The following CFAP99 variants were observed in gnomAD, a reference collection of about 807,000 sequenced individuals.
CFAP99 encodes the protein cilia- and flagella-associated protein 99.
CFAP99 carries 84 observed loss-of-function variants against 82.7 expected under a neutral mutation model. The ratio of observed to expected loss-of-function variants is 1.02; its 90% confidence interval spans 0.85 to 1.22. CFAP99 has a LOEUF of 1.22. CFAP99 is among the 50% of genes most tolerant of loss of function. CFAP99 has a pLI of 0.00. For missense variants in CFAP99, 1,059 were observed against 983.5 expected (o/e 1.08, Z -1.03); for synonymous variants, 456 against 429.5 (o/e 1.06, Z -0.76).
At chr4:2,445,585 C>T (rs1452439835) in intron 6 of CFAP99, among the ~76,000 whole-genome samples, 2 of 152,142 alleles carry the variant, frequency 1.3e-5, no homozygotes, top group East Asian at 3.8e-4. Flanking sequence ...GGGGCTCCGA[C>T]CTGTCGGGAG....
chr4:2,458,543 G>T (rs563512393), intron 11 of CFAP99, among the ~76,000 whole-genome samples, 180 bp from the exon 12 acceptor site: 1 of 152,174 alleles, frequency 6.6e-6, no homozygotes, highest in Non-Finnish European at 1.5e-5. Flanking sequence ...GAAGTTCCCC[G>T]CAGGCCCAAC....
At chr4:2,449,564 A>C (rs1578478036) in intron 6 of CFAP99, 106 bp from the exon 7 acceptor site, 1 of 969,000 alleles carries the variant, frequency 1.0e-6, no homozygotes, top group Non-Finnish European at 1.6e-6. Context: ...GGCCGCCACC[A>C]CCCTCCCCTT....
chr4:2,439,408 G>A (rs1044656552), intron 4 of CFAP99, among the ~76,000 whole-genome samples: 1 of 152,100 alleles, frequency 6.6e-6, no homozygotes, highest in Non-Finnish European at 1.5e-5. Context: ...CCAGATCTTC[G>A]AGGTCTCTCT....
At chr4:2,453,241 A>G (rs1431977667) in intron 11 of CFAP99, among the ~76,000 whole-genome samples, 1 of 152,160 alleles carries the variant, frequency 6.6e-6, no homozygotes, top group African/African-American at 2.4e-5. Context: ...ACACTTGTAT[A>G]TACATAGTTT....
rs1180490708 is a variant in CFAP99, at chr4:2,448,911, G to A, written c.643-759G>A. Among the ~76,000 whole-genome samples, 1 of 152,224 alleles carries A rather than the reference G, an allele frequency of 6.6e-6. No homozygotes were observed. The highest frequency in any genetic ancestry group is 1.5e-5 in the Non-Finnish European group (1 of 68,036). ...GGCTTGAAGCAGGTGGGCAGGAGAT[G>A]GATGTGGGTGTGAGAGACAGAGGTG... On this transcript the variant is annotated intron_variant, in intron 6 of 14. Transcript: ENST00000635017. This position sits in a 1 kb window ranked among gnomAD's most constrained non-coding sequence, Gnocchi z 5.2.
At position 2,446,249 on chromosome 4, in the gene CFAP99, C is replaced by G. The variant is rs1203811; in HGVS notation, c.642+941C>G. 2.3e-3 allele frequency among the ~76,000 whole-genome samples: 347 copies of G among 152,130 alleles called. 1 individual carries two copies. Among genetic ancestry groups the G allele is most frequent in the African/African-American group, 7.2e-3 (297 of 41,476 alleles). The stretch of plus-strand genomic sequence containing the variant: ...ACTGATCCTGGCTCCTTTTCTTCAC[C>G]GAATTGGAGTTTAGAGTTGTTTAGT... On this transcript the variant is annotated intron_variant, in intron 6 of 14. Coordinates refer to ENST00000635017, the Ensembl canonical transcript of CFAP99. This position sits in a 1 kb window ranked among gnomAD's most constrained non-coding sequence, Gnocchi z 5.0.
At position 2,460,655 on chromosome 4, in the gene CFAP99, T is replaced by C. The variant is rs1323371867; in HGVS notation, c.1661+413T>C. On this transcript the variant is annotated intron_variant, in intron 14 of 14. Coordinates refer to ENST00000635017, the Ensembl canonical transcript of CFAP99. ...ATAAACCACAGCACCCTGACACCAA[T>C]AGAAAATGGAACAAAAATTCCCAAC... Among the ~76,000 whole-genome samples the C allele has an allele frequency of 2.0e-5, 3 of 152,236 alleles. No homozygotes were observed. The East Asian group carries it at 5.8e-4, about 29-fold the overall frequency.
intron 13 of CFAP99, among the ~76,000 whole-genome samples, 188 bp from the exon 14 acceptor site, chr4:2,459,849 C>A (rs752888254): frequency 2.0e-5 from 3 of 152,216 alleles, no homozygotes; most frequent in Non-Finnish European, 4.4e-5. Context: ...GATGTGCAGA[C>A]CCACACAAGG....
intron 2 of CFAP99, among the ~76,000 whole-genome samples, chr4:2,429,836 C>T (rs1047791608): frequency 6.6e-6 from 1 of 152,178 alleles, no homozygotes; most frequent in African/African-American, 2.4e-5. Context: ...TGTGATCCGC[C>T]CGCCTCGGCC....
intron 4 of CFAP99, among the ~76,000 whole-genome samples, chr4:2,439,883 G>A (rs968377786): frequency 5.3e-5 from 8 of 151,310 alleles, no homozygotes; most frequent in Non-Finnish European, 8.8e-5. Context: ...TCGCTCTGTC[G>A]CCCAGGCTGG....
Position 2,462,390 on chromosome 4 carries a change from C to T in CFAP99, c.1662-53C>T. 1 of 1,380,094 alleles carries T rather than the reference C, an allele frequency of 7.2e-7. No homozygotes were observed. The highest frequency in any genetic ancestry group is 9.3e-7 in the Non-Finnish European group (1 of 1,077,792). The allele number at this position is 1,380,094 out of a possible 1,614,324, so 85.5% of individuals were successfully genotyped here. A position where few individuals can be genotyped will look rare whatever the true frequency, so the allele number is the denominator to read the frequency against. The stretch of plus-strand genomic sequence containing the variant: ...CTTGGACACGGGTGGCATCCTGGGT[C>T]TGGCCTGGGCCTCCCGCCGGCCTGC... On this transcript the variant is annotated intron_variant, in intron 14 of 14. Transcript: ENST00000635017. The surrounding 1 kb of genome is among the most constrained non-coding windows in gnomAD (Gnocchi z 4.1).
chr4:2,420,171 G>A (rs1278754527), intron 1 of CFAP99, among the ~76,000 whole-genome samples: 3 of 151,576 alleles, frequency 2.0e-5, no homozygotes, highest in Non-Finnish European at 2.9e-5. Context: ...CCTGCTCACC[G>A]ACCTCTCAAC....
chr4:2,458,892 C>A (rs1304888097), intron 12 of CFAP99, 28 bp downstream of exon 12: 1 of 1,521,198 alleles, frequency 6.6e-7, no homozygotes, highest in Non-Finnish European at 8.8e-7. Context: ...GTCACTGGCC[C>A]TACCCCGCTC....
chr4:2,460,065 T>C (rs1210464260), exon 14 of CFAP99: 1 of 1,535,984 alleles, frequency 6.5e-7, no homozygotes, highest in Non-Finnish European at 8.7e-7. Context: ...GAAGGAGAGA[T>C]GTCCATAGTG....
intron 5 of CFAP99, 130 bp downstream of exon 5, chr4:2,443,372 C>T (rs529926859): frequency 3.8e-5 from 25 of 649,524 alleles, no homozygotes; most frequent in Admixed American, 2.3e-4. Context: ...GTAATCACTC[C>T]GTGTTCGGAT....
chr4:2,450,386 G>A lies in CFAP99; in HGVS notation c.795+381G>A, dbSNP rs1057350194. On this transcript the variant is annotated intron_variant, in intron 8 of 14. Transcript: ENST00000635017. ...GACAGGAGAGACTGTGCCTGGCGGG[G>A]CTCACTCAGGAGCACGGCCCCGCTG... The A allele has an allele frequency of 3.3e-4, 102 of 307,424 alleles. No individual in the cohort carries two copies. The Admixed American group carries it at 4.4e-3, about 13-fold the overall frequency. The allele number at this position is 307,424 out of a possible 1,614,324, so 19.0% of individuals were successfully genotyped here.
Position 2,446,132 on chromosome 4 carries a change from C to G in CFAP99, c.642+824C>G, listed in dbSNP as rs544538597. 1.3e-5 allele frequency among the ~76,000 whole-genome samples: 2 copies of G among 152,204 alleles called. No homozygotes were observed. The highest frequency in any genetic ancestry group is 2.9e-5 in the Non-Finnish European group (2 of 68,048). On this transcript the variant is annotated intron_variant, in intron 6 of 14. Transcript: ENST00000635017. This position sits in a 1 kb window ranked among gnomAD's most constrained non-coding sequence, Gnocchi z 5.0. ...GCCCCAGAATCCTGCCCCACTCCCA[C>G]CATCCTTCAGGTCTCATTAAAATCC...
At chr4:2,438,117 C>G in exon 4 of CFAP99, 1 of 1,535,680 alleles carries the variant, frequency 6.5e-7, no homozygotes, top group South Asian at 1.2e-5. Flanking sequence ...CGGCTTCCAG[C>G]TATTCTGTAA....
chr4:2,445,413 C>A, intron 6 of CFAP99, 105 bp downstream of exon 6: 1 of 1,046,952 alleles, frequency 9.6e-7, no homozygotes, highest in Non-Finnish European at 1.2e-6. Flanking sequence ...CCCCCCAGGG[C>A]TGAGGGTGCA....
Sources: gnomAD v4.1 joint callset for allele counts (sites outside exome capture counted in the v4.1 genomes callset) on GRCh38, gnomAD v4.1.1 for gene constraint, Gnocchi (gnomAD v3.1) non-coding constraint, MANE v1.5 for transcripts, NCBI Gene and HGNC (gene_info 2026-07-23, HGNC 2026-07-21) for gene names.